SYNE2: variants seen among roughly 807,000 people sequenced by gnomAD.
SYNE2 encodes the protein nesprin-2.
A neutral mutation model predicts 856.3 loss-of-function variants in SYNE2; 431 were observed. The observed-to-expected ratio is 0.50, with a 90% CI of 0.47 to 0.55. The LOEUF (loss-of-function observed/expected upper bound fraction) is 0.55. Among genes scored for constraint, SYNE2 ranks in the 20% least tolerant of loss-of-function variants. The pLI, the probability that SYNE2 is intolerant of heterozygous loss-of-function variation, is 0.00. For synonymous variants in SYNE2, 2,923 were observed against 2,872.3 expected (o/e 1.02, Z -0.56); for missense variants, 8,129 against 8,023.2 (o/e 1.01, Z -0.50).
intron 1 of SYNE2, among the ~76,000 whole-genome samples, chr14:63,806,725 A>T (rs1240567860): frequency 1.3e-5 from 2 of 152,038 alleles, no homozygotes; most frequent in African/African-American, 2.4e-5. Flanking sequence ...AAAATTTAAC[A>T]AATCTGGCTG....
At chr14:64,159,729 C>T (rs925376667) in intron 87 of SYNE2, among the ~76,000 whole-genome samples, 8 of 152,244 alleles carry the variant, frequency 5.3e-5, no homozygotes, top group South Asian at 2.1e-4. Context: ...AGTTCGATCT[C>T]GGAAACACCA....
At chr14:64,037,032 C>T (rs1261623396) in intron 45 of SYNE2, among the ~76,000 whole-genome samples, 1 of 152,108 alleles carries the variant, frequency 6.6e-6, no homozygotes, top group Non-Finnish European at 1.5e-5. Flanking sequence ...AGAGAGAGCT[C>T]CCAGGAAGCA....
chr14:63,956,032 C>T (rs2096237935), intron 8 of SYNE2, among the ~76,000 whole-genome samples: 1 of 152,160 alleles, frequency 6.6e-6, no homozygotes, highest in African/African-American at 2.4e-5. Flanking sequence ...TTGTGCTATT[C>T]GCAATGCAAC....
chr14:64,212,207 T>C, intron 104 of SYNE2, 109 bp downstream of exon 104: 1 of 1,566,870 alleles, frequency 6.4e-7, no homozygotes, highest in Non-Finnish European at 8.7e-7. Flanking sequence ...TTCAGAATTC[T>C]TAAAGCAGCC....
At chr14:63,956,758 A>C (rs2096246286) in intron 8 of SYNE2, among the ~76,000 whole-genome samples, 1 of 152,188 alleles carries the variant, frequency 6.6e-6, no homozygotes, top group Non-Finnish European at 1.5e-5. Context: ...TAAACAATAC[A>C]TGTTACACAA....
chr14:63,783,505 G>A lies in SYNE2; in HGVS notation c.-305+21519G>A, dbSNP rs1566563783. Among the ~76,000 whole-genome samples the A allele has an allele frequency of 3.9e-5, 6 of 152,116 alleles. No homozygotes were observed. In the South Asian group the frequency reaches 8.3e-4, roughly 21 times the overall value. On this transcript the variant is annotated intron_variant, in intron 1 of 23. Transcript: ENST00000674003. ...GAATTCTCCTGCCTCAGCCTCCTGAGTAGCTGGGACTACAGGCGCACGCCA... is the reference window on the plus strand; with the variant it reads ...GAATTCTCCTGCCTCAGCCTCCTGAATAGCTGGGACTACAGGCGCACGCCA...
chr14:63,780,009 T>C (rs1452261408), intron 1 of SYNE2, among the ~76,000 whole-genome samples: 1 of 152,100 alleles, frequency 6.6e-6, no homozygotes, highest in African/African-American at 2.4e-5. Context: ...ATTTTGGAAA[T>C]CCAGGAATCT....
chr14:63,904,966 T>A (rs940177511), intron 1 of SYNE2, among the ~76,000 whole-genome samples: 1 of 152,176 alleles, frequency 6.6e-6, no homozygotes, highest in Admixed American at 6.5e-5. Context: ...TTTATCTATG[T>A]TGAGTTAATT....
chr14:63,982,782 A>G lies in SYNE2; in HGVS notation c.1989A>G (p.Ser663=). 6.2e-7 allele frequency: 1 copy of G among 1,613,994 alleles called. No individual in the cohort carries two copies. The highest frequency in any genetic ancestry group is 8.5e-7 in the Non-Finnish European group (1 of 1,179,924). ...RLNKRWRKLV[S]KTQLEMNLPL... is the part of the protein sequence containing the mutation. ...ATAAAAGATGGAGAAAGTTGGTTTC[A>G]AAAACTCAACTTGTAAGTTCTTTTG... The change falls in exon 17 of 116, where the codon TCA becomes TCG. Residue 663 remains serine, a synonymous_variant. Transcript: ENST00000555002.
At chr14:63,763,318 T>G (rs948552550) in intron 1 of SYNE2, among the ~76,000 whole-genome samples, 1 of 152,188 alleles carries the variant, frequency 6.6e-6, no homozygotes, top group African/African-American at 2.4e-5. Context: ...GGAAGCCTAC[T>G]GTAAAGAAGT....
At chr14:64,108,940 A>G (rs550512986) in intron 65 of SYNE2, among the ~76,000 whole-genome samples, 35 of 152,010 alleles carry the variant, frequency 2.3e-4, no homozygotes, top group Admixed American at 6.6e-4. Flanking sequence ...AGTGGCCACA[A>G]TCATGGCTCA....
At chr14:63,918,233 G>GTAACC (rs2095555306) in intron 2 of SYNE2, among the ~76,000 whole-genome samples, 1 of 152,190 alleles carries the variant, frequency 6.6e-6, no homozygotes, top group Non-Finnish European at 1.5e-5. Flanking sequence ...ATGTTAAATT[G>GTAACC]TAACCATTTG....
chr14:64,001,839 A>G (rs527663700), intron 28 of SYNE2, 95 bp from the exon 29 acceptor site: 3 of 1,344,642 alleles, frequency 2.2e-6, no homozygotes, highest in Admixed American at 1.7e-5. Flanking sequence ...TTGGATAATT[A>G]TTTTCTGTTC....
intron 14 of SYNE2, 46 bp from the exon 15 acceptor site, chr14:63,980,608 A>G (rs940359921): frequency 7.5e-7 from 1 of 1,338,492 alleles, no homozygotes; most frequent in Non-Finnish European, 1.1e-6. Context: ...TCTTGGCACA[A>G]TTTTAAAAGT....
chr14:64,216,458 T>C, intron 108 of SYNE2, 71 bp downstream of exon 108: 21 of 1,494,342 alleles, frequency 1.4e-5, no homozygotes, highest in Non-Finnish European at 1.9e-5. Flanking sequence ...GAGAGAGAGA[T>C]TTTGGTGTAA....
intron 6 of SYNE2, among the ~76,000 whole-genome samples, 170 bp downstream of exon 6, chr14:63,942,313 T>TA (rs1446101925): frequency 6.6e-6 from 1 of 152,098 alleles, no homozygotes; most frequent in Admixed American, 6.6e-5. Context: ...CCATTTCTGT[T>TA]ATTGGTTTTT....
At chr14:63,966,712 C>T (rs1172998638) in intron 10 of SYNE2, among the ~76,000 whole-genome samples, 1 of 151,834 alleles carries the variant, frequency 6.6e-6, no homozygotes, top group Non-Finnish European at 1.5e-5. Flanking sequence ...GTGTGTGTCA[C>T]CATGCCTAGC....
At chr14:63,770,688 G>A (rs929267257) in intron 1 of SYNE2, among the ~76,000 whole-genome samples, 4 of 152,078 alleles carry the variant, frequency 2.6e-5, no homozygotes, top group African/African-American at 9.7e-5. Context: ...TATTCAGGAG[G>A]CTGAGCTGGG....
intron 49 of SYNE2, among the ~76,000 whole-genome samples, chr14:64,059,996 G>A (rs968485680): frequency 3.3e-5 from 5 of 152,166 alleles, no homozygotes; most frequent in Non-Finnish European, 5.9e-5. Context: ...GGCTCAAGGG[G>A]TCTTCAGTCG....
Sources: gnomAD v4.1 joint callset for allele counts (sites outside exome capture counted in the v4.1 genomes callset) on GRCh38, gnomAD v4.1.1 for gene constraint, MANE v1.5 for transcripts, NCBI Gene and HGNC (gene_info 2026-07-23, HGNC 2026-07-21) for gene names.